The following LYSMD3 variants were observed in gnomAD, a reference collection of about 807,000 sequenced individuals.
LYSMD3 encodes the protein lysM and putative peptidoglycan-binding domain-containing protein 3.
In LYSMD3, 13 loss-of-function variants were observed where a neutral mutation model predicts 26.1. That is an observed-to-expected ratio of 0.50 (90% CI 0.32 to 0.79). The LOEUF (loss-of-function observed/expected upper bound fraction) is 0.79, where lower values mean the gene tolerates loss of function less well. Ranked by LOEUF, LYSMD3 falls within the 30% of genes least tolerant of loss-of-function variation. The pLI is 0.03. For missense variants in LYSMD3, 331 were observed against 362.5 expected (o/e 0.91, Z 0.71); for synonymous variants, 109 against 119.4 (o/e 0.91, Z 0.57).
rs1752990298 is a variant in LYSMD3 at position 90,517,996 on chromosome 5, GAATT to G, written c.*819_*822del. On this transcript the variant is annotated 3_prime_UTR_variant, in exon 3 of 3. Coordinates refer to ENST00000315948, the MANE Select transcript of LYSMD3 (RefSeq NM_198273.2). ...GCAATGATTTATCACAGTATATAAGGAATTATTTCCTAAATAATGGTAATATGCA... is the reference window on the plus strand; with the variant it reads ...GCAATGATTTATCACAGTATATAAGGATTTCCTAAATAATGGTAATATGCA... The G allele has an allele frequency of 6.6e-6, 1 of 152,452 alleles. No homozygotes were observed. The highest frequency in any genetic ancestry group is 2.4e-5 in the African/African-American group (1 of 41,398). The allele number at this position is 152,452 out of a possible 1,614,324, so 9.4% of individuals were successfully genotyped here.
chr5:90,523,584 T>C (rs1054162716), intron 2 of LYSMD3, among the ~76,000 whole-genome samples: 6 of 152,060 alleles, frequency 3.9e-5, no homozygotes, highest in African/African-American at 9.7e-5. Context: ...TCTCATGCTA[T>C]TGAAAAAAGA....
In LYSMD3 at chr5:90,518,784, C is replaced by T; in HGVS notation, c.*35G>A. ...ACTGATTCACCACATTCCAGATGCA[C>T]ATGTGACCACTAACATTTGATTATG... On this transcript the variant is annotated 3_prime_UTR_variant, in exon 3 of 3. Transcript: ENST00000315948. 1 of 700,872 alleles carries T rather than the reference C, an allele frequency of 1.4e-6. No individual in the cohort carries two copies. The allele number at this position is 700,872 out of a possible 1,614,324, so 43.4% of individuals were successfully genotyped here.
chr5:90,518,648 A>C lies in LYSMD3; in HGVS notation c.*171T>G. On this transcript the variant is annotated 3_prime_UTR_variant, in exon 3 of 3. Coordinates refer to ENST00000315948, the MANE Select transcript of LYSMD3 (RefSeq NM_198273.2). Reference sequence around the variant, plus strand: ...CAGATTTATGGATCAACTGCTCTCAACATCAACAACTAGTTGCTCAAAAAA... The same window carrying C: ...CAGATTTATGGATCAACTGCTCTCACCATCAACAACTAGTTGCTCAAAAAA... The C allele has an allele frequency of 5.3e-6, 3 of 561,036 alleles. No individual in the cohort carries two copies. The highest frequency in any genetic ancestry group is 9.2e-6 in the Non-Finnish European group (3 of 326,424). The allele number at this position is 561,036 out of a possible 1,614,324, so 34.8% of individuals were successfully genotyped here. A position where few individuals can be genotyped will look rare whatever the true frequency, so the allele number is the denominator to read the frequency against.
At chr5:90,525,005 T>C (rs760738567) in intron 2 of LYSMD3, 30 bp downstream of exon 2, 1 of 1,489,278 alleles carries the variant, frequency 6.7e-7, no homozygotes, top group Non-Finnish European at 9.0e-7. Context: ...TAATTTCTTC[T>C]GAATTGCATT....
rs771105513 is a variant in LYSMD3, at chr5:90,518,961, T to G, written c.779A>C (p.His260Pro). ...CTGTGATGGGGGTGTGATTTTTGAA[T>G]GTAAATGTGAAGAGTCCACTGTTGA... is the stretch of plus-strand genomic sequence containing the variant. ...HHSTVDSSHLHSKITPPSQQR... is the reference protein window; with the variant it reads ...HHSTVDSSHLPSKITPPSQQR... The change falls in exon 3 of 3, where the codon CAT becomes CCT. Residue 260 changes from histidine to proline, a missense_variant. His to Pro is a moderately conservative substitution (Grantham distance 77). This residue lies in a region of LYSMD3 where 61 missense variants were observed against 66.8 expected (regional missense o/e 0.91). Coordinates refer to ENST00000315948, the MANE Select transcript of LYSMD3 (RefSeq NM_198273.2). The G allele has an allele frequency of 6.2e-7, 1 of 1,614,062 alleles. No individual in the cohort carries two copies. Among genetic ancestry groups the G allele is most frequent in the Non-Finnish European group, 8.5e-7 (1 of 1,179,958 alleles).
At chr5:90,524,351 T>C (rs560775782) in intron 2 of LYSMD3, among the ~76,000 whole-genome samples, 12 of 152,254 alleles carry the variant, frequency 7.9e-5, no homozygotes, top group African/African-American at 2.6e-4. Flanking sequence ...TAAATACTTA[T>C]GAGCACAAAA....
rs192126274 is a variant in LYSMD3 at position 90,518,971 on chromosome 5, A to T, written c.769T>A (p.Ser257Thr). 1.7e-4 allele frequency: 282 copies of T among 1,614,026 alleles called. 1 individual carries two copies. The highest frequency in any genetic ancestry group is 1.2e-3 in the Middle Eastern group (7 of 6,062). ...GGTGTGATTTTTGAATGTAAATGTG[A>T]AGAGTCCACTGTTGAATGATGACTA... is the stretch of plus-strand genomic sequence containing the variant. ...DVSHHSTVDS[S>T]HLHSKITPPS... The change falls in exon 3 of 3, where the codon TCA (serine) becomes ACA (threonine). Residue 257 changes from serine (S) to threonine (T), a missense_variant. Ser to Thr is a moderately conservative substitution (Grantham distance 58). Transcript: ENST00000315948.
chr5:90,524,692 T>C (rs945795708), intron 2 of LYSMD3, among the ~76,000 whole-genome samples: 3 of 152,132 alleles, frequency 2.0e-5, no homozygotes, highest in African/African-American at 4.8e-5. Context: ...CCCAGGTTCA[T>C]GCCATTCTCC....
In LYSMD3 at chr5:90,515,749, C is replaced by G. The variant is rs977475707; in HGVS notation, c.*3070G>C. The G allele has an allele frequency of 9.2e-5, 14 of 152,124 alleles. No individual in the cohort carries two copies. The highest frequency in any genetic ancestry group is 3.1e-4 in the African/African-American group (13 of 41,436). The allele number at this position is 152,124 out of a possible 1,614,324, so 9.4% of individuals were successfully genotyped here. A position where few individuals can be genotyped will look rare whatever the true frequency, so the allele number is the denominator to read the frequency against. ...ACATGCTAACAATGTTCTACAGTTA[C>G]ATTTGTATAAAATACATTATACAAA... is the stretch of plus-strand genomic sequence containing the variant. On this transcript the variant is annotated 3_prime_UTR_variant, in exon 3 of 3. Coordinates refer to ENST00000315948, the MANE Select transcript of LYSMD3 (RefSeq NM_198273.2).
chr5:90,519,494 G>GT lies in LYSMD3; in HGVS notation c.256-11_256-10insA. 1 of 1,533,904 alleles carries GT rather than the reference G, an allele frequency of 6.5e-7. No individual in the cohort carries two copies. Among genetic ancestry groups the GT allele is most frequent in the South Asian group, 1.2e-5 (1 of 84,340 alleles). ...TCTTGATATCTGCTACCTGTGGGGG[G>GT]GAAAAAAAAGCAACATACAACTGAA... On this transcript the variant is annotated splice_polypyrimidine_tract_variant and intron_variant, in intron 2 of 2. Transcript: ENST00000315948.
intron 1 of LYSMD3, 38 bp from the exon 2 acceptor site, chr5:90,525,338 A>G: frequency 6.5e-7 from 1 of 1,544,548 alleles, no homozygotes; most frequent in Non-Finnish European, 8.7e-7. Flanking sequence ...TTTGGAATGT[A>G]GCTGATCCAA....
In LYSMD3 at chr5:90,525,230, T is replaced by G. The variant is rs1486077964; in HGVS notation, c.60A>C (p.Gln20His). 1 of 1,613,878 alleles carries G rather than the reference T, an allele frequency of 6.2e-7. No homozygotes were observed. Among genetic ancestry groups the G allele is most frequent in the Non-Finnish European group, 8.5e-7 (1 of 1,180,002 alleles). The change falls in exon 2 of 3, where the codon CAA (glutamine) becomes CAC (histidine). Residue 20 changes from glutamine to histidine, a missense_variant. Physicochemically the swap from Gln to His is conservative, Grantham distance 24. Around this residue, in one of 3 missense-constraint regions of LYSMD3, gnomAD observed 262 missense variants for 267.3 expected, o/e 0.98. Transcript: ENST00000315948. ...FPLPGVQSSG[Q>H]VHAFGNCSDS... Reference sequence around the variant, plus strand: ...CTGAACAATTTCCAAATGCATGTACTTGACCACTTGACTGAACTCCTGGAA... The same window carrying G: ...CTGAACAATTTCCAAATGCATGTACGTGACCACTTGACTGAACTCCTGGAA...
chr5:90,522,895 G>C (rs934809750), intron 2 of LYSMD3, among the ~76,000 whole-genome samples: 2 of 152,032 alleles, frequency 1.3e-5, no homozygotes, highest in African/African-American at 4.8e-5. Flanking sequence ...CACCTCATTG[G>C]AAATATGACC....
intron 2 of LYSMD3, among the ~76,000 whole-genome samples, chr5:90,520,172 A>C (rs1434711649): frequency 1.3e-5 from 2 of 152,108 alleles, no homozygotes; most frequent in Non-Finnish European, 2.9e-5. Flanking sequence ...CTTTTTCTCT[A>C]TATATTATAC....
In LYSMD3 at chr5:90,525,082, G is replaced by GT. The variant is rs751566863; in HGVS notation, c.207dup (p.Gln70ThrfsTer24). The stretch of plus-strand genomic sequence containing the variant: ...ATTGCATTTAATGTATCTCCTTCTT[G>GT]TATATCTTTTGTTAATACTATAATG... On this transcript the variant is annotated frameshift_variant, in exon 2 of 3. Transcript: ENST00000315948. LOFTEE classifies it high-confidence loss of function. 6.2e-7 allele frequency: 1 copy of GT among 1,612,572 alleles called. No homozygotes were observed. The highest frequency in any genetic ancestry group is 1.1e-5 in the South Asian group (1 of 90,970).
intron 1 of LYSMD3, among the ~76,000 whole-genome samples, chr5:90,527,547 C>T (rs949014343): frequency 2.0e-5 from 3 of 151,808 alleles, no homozygotes; most frequent in African/African-American, 4.8e-5. Context: ...ACAAGGGTGG[C>T]TGAGATAGTG....
intron 2 of LYSMD3, among the ~76,000 whole-genome samples, chr5:90,519,861 G>A (rs962375382): frequency 2.0e-5 from 3 of 151,504 alleles, no homozygotes; most frequent in Admixed American, 1.3e-4. Flanking sequence ...ATTCCAGTTT[G>A]GAAACTGGAA....
Position 90,518,787 on chromosome 5 carries a change from G to GTGCCC in LYSMD3, c.*31_*32insGGGCA, listed in dbSNP as rs1554042118. ...GATTCACCACATTCCAGATGCACAT[G>GTGCCC]TGACCACTAACATTTGATTATGAGC... On this transcript the variant is annotated 3_prime_UTR_variant, in exon 3 of 3. Transcript: ENST00000315948. 6.4e-7 allele frequency: 1 copy of GTGCCC among 1,568,618 alleles called. No individual in the cohort carries two copies. Among genetic ancestry groups the GTGCCC allele is most frequent in the East Asian group, 2.2e-5 (1 of 44,506 alleles).
chr5:90,519,448 C>A lies in LYSMD3; in HGVS notation c.292G>T (p.Asp98Tyr). The A allele has an allele frequency of 6.2e-7, 1 of 1,613,072 alleles. No homozygotes were observed. The highest frequency in any genetic ancestry group is 8.5e-7 in the Non-Finnish European group (1 of 1,179,852). The change falls in exon 3 of 3, where the codon GAT (aspartate) becomes TAT (tyrosine). Residue 98 changes from aspartate to tyrosine, a missense_variant. Physicochemically the swap from Asp to Tyr is radical, Grantham distance 160 (BLOSUM62 -3). Around this residue, in one of 3 missense-constraint regions of LYSMD3, gnomAD observed 262 missense variants for 267.3 expected, o/e 0.98. Transcript: ENST00000315948. The part of the protein sequence containing the change: ...DIKRVNNLIS[D>Y]QDFFALRSIK... ...GACCTAAGGGCAAAAAAGTCTTGAT[C>A]ACTGATGAGATTGTTAACTCTCTTG...
Sources: gnomAD v4.1 joint callset for allele counts (sites outside exome capture counted in the v4.1 genomes callset) on GRCh38, gnomAD v4.1.1 for gene constraint, gnomAD v4.1.1 regional missense constraint, MANE v1.5 for transcripts, NCBI Gene and HGNC (gene_info 2026-07-23, HGNC 2026-07-21) for gene names.